Variants in PDSS1 observed in about 807,000 individuals in gnomAD.
PDSS1 encodes all trans-polyprenyl-diphosphate synthase PDSS1.
In PDSS1, 43 loss-of-function variants were observed where a neutral mutation model predicts 57.5. The ratio of observed to expected loss-of-function variants is 0.75; its 90% CI spans 0.59 to 0.96. The LOEUF (loss-of-function observed/expected upper bound fraction) is 0.96. Ranked by LOEUF, PDSS1 falls within the 50% of genes least tolerant of loss-of-function variation. The pLI, the probability that PDSS1 is intolerant of heterozygous loss-of-function variation, is 0.00. For missense variants in PDSS1, 438 were observed against 527.8 expected, an observed-to-expected ratio of 0.83 and a Z score of 1.67; for synonymous variants, 175 against 191.3, an observed-to-expected ratio of 0.91 and a Z score of 0.70.
intron 1 of PDSS1, chr10:26,701,849 G>T: frequency 4.4e-6 from 2 of 454,670 alleles, no homozygotes; most frequent in Non-Finnish European, 8.8e-6. Flanking sequence ...CGTGCACCTG[G>T]AAAAGCTGCA....
chr10:26,702,194 G>A lies in PDSS1; in HGVS notation c.162G>A (p.Gln54=). 2.2e-6 allele frequency: 1 copy of A among 451,950 alleles called. No individual in the cohort carries two copies. Among genetic ancestry groups the A allele is most frequent in the Non-Finnish European group, 4.4e-6 (1 of 226,216 alleles). The allele number at this position is 451,950 out of a possible 1,614,324, so 28.0% of individuals were successfully genotyped here. ...VHRRKGLDLS[Q]IPYINLVKHL... Reference sequence around the variant, plus strand: ...GGCGGAAGGGACTTGACTTGTCTCAGGTAAGACTTTGGACTTGGACTTTTG... The same window carrying A: ...GGCGGAAGGGACTTGACTTGTCTCAAGTAAGACTTTGGACTTGGACTTTTG... Residue 54 remains glutamine, a splice_region_variant and synonymous_variant, in exon 2 of 12, where the codon CAG becomes CAA. Coordinates refer to ENST00000376215, the MANE Select transcript of PDSS1 (RefSeq NM_014317.5).
At chr10:26,706,470 C>A (rs574202550) in intron 4 of PDSS1, among the ~76,000 whole-genome samples, 19 of 152,266 alleles carry the variant, frequency 1.2e-4, no homozygotes, top group African/African-American at 4.6e-4. Context: ...AAGTCATGTC[C>A]CTTCCCTCTC....
At chr10:26,727,595 A>G (rs1387475708) in intron 8 of PDSS1, among the ~76,000 whole-genome samples, 1 of 151,538 alleles carries the variant, frequency 6.6e-6, no homozygotes, top group South Asian at 2.1e-4. Context: ...TCCCAGGTTC[A>G]AGTGATTCTC....
At chr10:26,738,805 C>G (rs945543428) in intron 10 of PDSS1, among the ~76,000 whole-genome samples, 1 of 152,258 alleles carries the variant, frequency 6.6e-6, no homozygotes, top group African/African-American at 2.4e-5. Context: ...TAACATCTCT[C>G]TTAAGGGGTT....
intron 8 of PDSS1, among the ~76,000 whole-genome samples, chr10:26,726,912 A>AT (rs1835968595): frequency 1.3e-5 from 2 of 152,086 alleles, no homozygotes; most frequent in Admixed American, 6.6e-5. Flanking sequence ...AAATACAAAA[A>AT]TTAGCCGGGC....
At chr10:26,741,876 G>A (rs970158074) in intron 10 of PDSS1, among the ~76,000 whole-genome samples, 1 of 152,088 alleles carries the variant, frequency 6.6e-6, no homozygotes, top group Non-Finnish European at 1.5e-5. Context: ...CAACCATGTT[G>A]TTTTTTATTT....
intron 8 of PDSS1, among the ~76,000 whole-genome samples, chr10:26,727,366 A>G (rs1039092773): frequency 5.1e-5 from 5 of 98,288 alleles, no homozygotes; most frequent in East Asian, 2.9e-4. Flanking sequence ...CTGAATTTCT[A>G]TTTTCTCCAG....
intron 3 of PDSS1, 97 bp from the exon 4 acceptor site, chr10:26,705,189 A>G (rs1203737092): frequency 1.4e-6 from 1 of 726,090 alleles, no homozygotes; most frequent in Non-Finnish European, 2.5e-6. Context: ...TTTCTAGCAA[A>G]TATTTGGGCT....
chr10:26,739,327 T>C (rs1045788344), intron 10 of PDSS1, among the ~76,000 whole-genome samples: 1 of 152,216 alleles, frequency 6.6e-6, no homozygotes, highest in Non-Finnish European at 1.5e-5. Flanking sequence ...AAACAGAATT[T>C]TTATTTGTCA....
At chr10:26,717,140 A>C (rs1392261182) in intron 5 of PDSS1, among the ~76,000 whole-genome samples, 1 of 152,226 alleles carries the variant, frequency 6.6e-6, no homozygotes, top group Non-Finnish European at 1.5e-5. Flanking sequence ...TATTCTACGT[A>C]GAAGCTGTGT....
intron 8 of PDSS1, among the ~76,000 whole-genome samples, chr10:26,734,896 G>A (rs1195958773): frequency 6.6e-6 from 1 of 152,140 alleles, no homozygotes; most frequent in Non-Finnish European, 1.5e-5. Flanking sequence ...ATGGGGGTCC[G>A]TTTCTTTTGC....
chr10:26,741,928 G>A (rs1464184807), intron 10 of PDSS1, among the ~76,000 whole-genome samples: 2 of 152,204 alleles, frequency 1.3e-5, no homozygotes, highest in East Asian at 3.8e-4. Context: ...AAGGTAGAGT[G>A]CAATGGCGCA....
Position 26,739,618 on chromosome 10 carries a change from C to T in PDSS1, c.1027-2879C>T, listed in dbSNP as rs568904282. Among the ~76,000 whole-genome samples, 57 of 152,282 alleles carry T rather than the reference C, an allele frequency of 3.7e-4. 1 individual carries two copies. In the South Asian group the frequency reaches 0.012, roughly 31 times the overall value. ...GTAGAAAAAGCTTATACATCATAAA[C>T]AAGGTAATGTCACCAGATGCCTACG... On this transcript the variant is annotated intron_variant, in intron 10 of 11. Transcript: ENST00000376215.
chr10:26,738,345 A>G (rs972457015), intron 10 of PDSS1, among the ~76,000 whole-genome samples: 3 of 152,240 alleles, frequency 2.0e-5, no homozygotes, highest in Non-Finnish European at 2.9e-5. Flanking sequence ...CGCCAAAATT[A>G]AACATCTGGT....
intron 8 of PDSS1, among the ~76,000 whole-genome samples, chr10:26,727,322 TTCTC>T (rs201547401): frequency 3.2e-4 from 47 of 145,982 alleles, no homozygotes; most frequent in South Asian, 2.1e-3. Flanking sequence ...CCTGCCTTGT[TTCTC>T]TCTCTCTCTC....
Position 26,741,223 on chromosome 10 carries a change from A to G in PDSS1, c.1027-1274A>G, listed in dbSNP as rs577039088. On this transcript the variant is annotated intron_variant, in intron 10 of 11. Transcript: ENST00000376215. The stretch of plus-strand genomic sequence containing the variant: ...CCCCAGGCCAGGCGCGGTGGCTCAC[A>G]CCTGTAATCCCAGCACTTGGGGAGG... 2.6e-5 allele frequency among the ~76,000 whole-genome samples: 4 copies of G among 152,214 alleles called. No individual in the cohort carries two copies. The South Asian group carries it at 8.3e-4, about 32-fold the overall frequency.
At chr10:26,701,650 T>C (rs1348270498) in intron 1 of PDSS1, among the ~76,000 whole-genome samples, 1 of 152,188 alleles carries the variant, frequency 6.6e-6, no homozygotes, top group African/African-American at 2.4e-5. Flanking sequence ...AATGCCTCAA[T>C]GCCCAAGCAG....
At chr10:26,744,890 G>GC in intron 11 of PDSS1, among the ~76,000 whole-genome samples, 1 of 152,154 alleles carries the variant, frequency 6.6e-6, no homozygotes, top group Middle Eastern at 3.4e-3. Context: ...GGGTCCGGGC[G>GC]CAGTGGCTCA....
intron 8 of PDSS1, among the ~76,000 whole-genome samples, chr10:26,729,867 T>C (rs1836104184): frequency 6.6e-6 from 1 of 151,718 alleles, no homozygotes; most frequent in Non-Finnish European, 1.5e-5. Context: ...CAAAACAAAT[T>C]TGCAACCTCC....
Sources: allele counts gnomAD v4.1 joint callset (sites outside exome capture counted in the v4.1 genomes callset), GRCh38; gene constraint gnomAD v4.1.1; transcripts MANE v1.5; gene names NCBI Gene and HGNC (gene_info 2026-07-23, HGNC 2026-07-21).